The following SLC39A10 variants were observed in gnomAD, a reference collection of about 807,000 sequenced individuals.
SLC39A10 encodes zinc transporter ZIP10.
Under a neutral mutation model 65.1 loss-of-function variants are expected in SLC39A10, and 13 were observed. The ratio of observed to expected loss-of-function variants is 0.20; its 90% CI spans 0.13 to 0.32. SLC39A10 has a LOEUF of 0.32. Among genes scored for constraint, SLC39A10 ranks in the 10% least tolerant of loss-of-function variants. SLC39A10 has a pLI of 1.00. For missense variants in SLC39A10, 831 were observed against 1,018.4 expected (o/e 0.82, Z 2.50); for synonymous variants, 321 against 342.2 (o/e 0.94, Z 0.68).
chr2:195,631,083 G>A (rs1390211467), intron 2 of SLC39A10, among the ~76,000 whole-genome samples: 1 of 152,062 alleles, frequency 6.6e-6, no homozygotes, highest in African/African-American at 2.4e-5. Flanking sequence ...CAGCTACTCA[G>A]GAGGCTGAGC....
chr2:195,631,396 T>C (rs1688583521), intron 2 of SLC39A10, among the ~76,000 whole-genome samples: 3 of 152,266 alleles, frequency 2.0e-5, no homozygotes, highest in African/African-American at 7.2e-5. Context: ...ACATAATTCA[T>C]TTAACCATAA....
At position 195,735,854 on chromosome 2, in the gene SLC39A10, G is replaced by T. The variant is rs1218656695; in HGVS notation, c.*813G>T. The stretch of plus-strand genomic sequence containing the variant: ...GGGTAGGTGAGGGTTTGGAGCATGT[G>T]GTCTTTTTAAAAAATTGTAACCCTC... On this transcript the variant is annotated 3_prime_UTR_variant, in exon 10 of 10. Coordinates refer to ENST00000359634, the MANE Select transcript of SLC39A10 (RefSeq NM_020342.3). The T allele has an allele frequency of 7.1e-6, 1 of 140,980 alleles. No homozygotes were observed. The highest frequency in any genetic ancestry group is 1.5e-5 in the Non-Finnish European group (1 of 65,434). 8.7% of individuals were successfully genotyped at this position (140,980 alleles called of 1,614,324 possible).
At position 195,708,742 on chromosome 2, in the gene SLC39A10, A is replaced by G. The variant is rs1691497622; in HGVS notation, c.1473A>G (p.Glu491=). 6.2e-7 allele frequency: 1 copy of G among 1,613,298 alleles called. No individual in the cohort carries two copies. The highest frequency in any genetic ancestry group is 8.5e-7 in the Non-Finnish European group (1 of 1,179,574). Reference sequence around the variant, plus strand: ...ATGAATCTAACAAGTTTTTGGAAGAATATGATGCTGTATTGAAAGGACTTG... The same window carrying G: ...ATGAATCTAACAAGTTTTTGGAAGAGTATGATGCTGTATTGAAAGGACTTG... ...HGHESNKFLE[E]YDAVLKGLVA... Residue 491 remains glutamate (E), a synonymous_variant, in exon 5 of 10, where the codon GAA becomes GAG. Transcript: ENST00000359634.
At chr2:195,673,331 T>C (rs747627) in intron 1 of SLC39A10, among the ~76,000 whole-genome samples, 6,868 of 152,230 alleles carry the variant, frequency 0.045, 231 homozygotes, top group Non-Finnish European at 0.068. Context: ...TAATTTTTTT[T>C]GTATTTTTTT....
chr2:195,730,834 A>G (rs1211702469), intron 9 of SLC39A10, among the ~76,000 whole-genome samples: 1 of 152,196 alleles, frequency 6.6e-6, no homozygotes, highest in South Asian at 2.1e-4. Context: ...CATCTCAGAA[A>G]TGATGATACC....
chr2:195,679,572 C>T (rs935288718), intron 1 of SLC39A10, among the ~76,000 whole-genome samples: 3 of 152,174 alleles, frequency 2.0e-5, no homozygotes, highest in Admixed American at 2.0e-4. Context: ...CCAGTCATAA[C>T]ATGATATAGC....
At chr2:195,647,771 TCAGTTA>T (rs1016416590) in intron 2 of SLC39A10, among the ~76,000 whole-genome samples, 6 of 152,062 alleles carry the variant, frequency 3.9e-5, no homozygotes, top group African/African-American at 1.4e-4. Flanking sequence ...CACCCTTGTA[TCAGTTA>T]CTTATCAGAG....
intron 1 of SLC39A10, among the ~76,000 whole-genome samples, chr2:195,670,974 G>A (rs1689834838): frequency 6.6e-6 from 1 of 152,180 alleles, no homozygotes; most frequent in African/African-American, 2.4e-5. Flanking sequence ...AATGTTAAGT[G>A]TAAAATTCAA....
intron 3 of SLC39A10, among the ~76,000 whole-genome samples, chr2:195,704,767 C>A (rs552967007): frequency 3.3e-5 from 5 of 151,780 alleles, no homozygotes; most frequent in African/African-American, 1.2e-4. Context: ...ATCACTGCCC[C>A]ACCCCTGCCC....
chr2:195,613,626 T>G (rs865882451), intron 2 of SLC39A10, among the ~76,000 whole-genome samples: 3 of 152,230 alleles, frequency 2.0e-5, no homozygotes, highest in Non-Finnish European at 4.4e-5. Flanking sequence ...GTAGTAATAA[T>G]GCATAGTTTA....
At chr2:195,686,892 T>G (rs1186090400) in intron 3 of SLC39A10, among the ~76,000 whole-genome samples, 4 of 152,228 alleles carry the variant, frequency 2.6e-5, no homozygotes, top group Non-Finnish European at 4.4e-5. Flanking sequence ...GGCAGAGAAA[T>G]GAGGCCAGTT....
upstream of SLC39A10, chr2:195,657,165 A>C (rs550620745): frequency 1.2e-4 from 19 of 158,188 alleles, no homozygotes; most frequent in South Asian, 3.8e-3. Context: ...GCAGGGTGTC[A>C]GACGCGCCGG....
At chr2:195,649,800 T>C (rs1185883913) in intron 2 of SLC39A10, among the ~76,000 whole-genome samples, 1 of 152,208 alleles carries the variant, frequency 6.6e-6, no homozygotes, top group African/African-American at 2.4e-5. Context: ...CGACCTAAAA[T>C]GGCTACCTAC....
At chr2:195,630,308 G>C (rs1688560985) in intron 2 of SLC39A10, among the ~76,000 whole-genome samples, 1 of 151,952 alleles carries the variant, frequency 6.6e-6, no homozygotes, top group African/African-American at 2.4e-5. Flanking sequence ...CATGTTTGTT[G>C]GTTTATTATA....
At chr2:195,673,662 A>T (rs968359349) in intron 1 of SLC39A10, among the ~76,000 whole-genome samples, 2 of 152,128 alleles carry the variant, frequency 1.3e-5, no homozygotes, top group Admixed American at 6.5e-5. Context: ...GCTGGGTCCT[A>T]TCCCTAATGT....
chr2:195,697,357 G>A (rs572513784), intron 3 of SLC39A10, among the ~76,000 whole-genome samples: 7 of 152,174 alleles, frequency 4.6e-5, no homozygotes, highest in African/African-American at 1.7e-4. Flanking sequence ...CTTCCAATCC[G>A]TGAACATGGG....
At chr2:195,698,948 A>G (rs1363884371) in intron 3 of SLC39A10, among the ~76,000 whole-genome samples, 1 of 151,824 alleles carries the variant, frequency 6.6e-6, no homozygotes, top group African/African-American at 2.4e-5. Context: ...GTTTTGTTGG[A>G]AGATTTTTGA....
At position 195,694,856 on chromosome 2, in the gene SLC39A10, A is replaced by G. The variant is rs375871931; in HGVS notation, c.1216+10950A>G. 7.0e-4 allele frequency among the ~76,000 whole-genome samples: 107 copies of G among 152,260 alleles called. No individual in the cohort carries two copies. In the South Asian group the frequency reaches 0.013, roughly 18 times the overall value. ...TTATTGCGGACTTTTCCTCAATTCAACCAAAGATGTGGTTCTTGTCCTTCC... is the reference window on the plus strand; with the variant it reads ...TTATTGCGGACTTTTCCTCAATTCAGCCAAAGATGTGGTTCTTGTCCTTCC... On this transcript the variant is annotated intron_variant, in intron 3 of 9. Transcript: ENST00000359634.
rs1473684423 is a variant in SLC39A10, at chr2:195,639,936, T to A, written c.-12+33703T>A. Among the ~76,000 whole-genome samples the A allele has an allele frequency of 2.7e-5, 4 of 148,670 alleles. No homozygotes were observed. In the Admixed American group the frequency reaches 2.8e-4, roughly 10 times the overall value. The stretch of plus-strand genomic sequence containing the variant: ...TCTTCTGCAGGAGATATTTGTTCTC[T>A]GCCATTGTTAATTAATTAATTAGTT... On this transcript the variant is annotated intron_variant, in intron 2 of 2. Transcript: ENST00000458054.
Sources: gnomAD v4.1 joint callset for allele counts (sites outside exome capture counted in the v4.1 genomes callset) on GRCh38, gnomAD v4.1.1 for gene constraint, MANE v1.5 for transcripts, NCBI Gene and HGNC (gene_info 2026-07-23, HGNC 2026-07-21) for gene names.